The following INTS1 variants were observed in gnomAD, a reference collection of about 807,000 sequenced individuals.
INTS1 encodes integrator complex subunit 1.
A neutral mutation model predicts 241.6 loss-of-function variants in INTS1; 137 were observed. That is an observed-to-expected ratio of 0.57 (90% CI 0.49 to 0.65). The LOEUF (loss-of-function observed/expected upper bound fraction) is 0.65, where lower values mean the gene tolerates loss of function less well. Among genes scored for constraint, INTS1 ranks in the 30% least tolerant of loss-of-function variants. The pLI, the probability that INTS1 is intolerant of heterozygous loss-of-function variation, is 0.00. For missense variants in INTS1, 3,073 were observed against 3,032.2 expected, an observed-to-expected ratio of 1.01 and a Z score of -0.32; for synonymous variants, 1,692 against 1,337.8, an observed-to-expected ratio of 1.26 and a Z score of -5.78.
chr7:1,502,087 C>T (rs1783209660), intron 3 of INTS1, among the ~76,000 whole-genome samples: 1 of 152,196 alleles, frequency 6.6e-6, no homozygotes. Context: ...CCCACAAGTC[C>T]CCTGGGTCCT....
intron 31 of INTS1, 97 bp from the exon 32 acceptor site, chr7:1,478,982 T>G: frequency 7.3e-7 from 1 of 1,364,362 alleles, no homozygotes; most frequent in African/African-American, 1.4e-5. Flanking sequence ...TGCTGAGACC[T>G]GCCGCGACCG....
At chr7:1,473,449 T>C in intron 42 of INTS1, 117 bp downstream of exon 42, 1 of 1,309,746 alleles carries the variant, frequency 7.6e-7, no homozygotes, top group Non-Finnish European at 1.0e-6. Context: ...TCAGCAGCCC[T>C]CCCCGGCCTC....
chr7:1,470,930 A>T lies in INTS1; in HGVS notation c.6373T>A (p.Phe2125Ile), dbSNP rs1274858891. The T allele has an allele frequency of 1.3e-6, 2 of 1,577,690 alleles. No homozygotes were observed. Among genetic ancestry groups the T allele is most frequent in the Non-Finnish European group, 1.7e-6 (2 of 1,162,718 alleles). ...TCCTGGCTGCCCAGGCAGTACATGAACGTGGGCAGGAAAGCGGCTGCAATG... is the reference window on the plus strand; with the variant it reads ...TCCTGGCTGCCCAGGCAGTACATGATCGTGGGCAGGAAAGCGGCTGCAATG... ...PSIAAAFLPT[F>I]MYCLGSQDFE... Residue 2125 changes from phenylalanine to isoleucine, a missense_variant, in exon 47 of 48, where the codon TTC (phenylalanine) becomes ATC (isoleucine). Transcript: ENST00000404767.
intron 24 of INTS1, among the ~76,000 whole-genome samples, chr7:1,484,377 G>A (rs1366897544): frequency 2.0e-5 from 3 of 152,222 alleles, no homozygotes; most frequent in Admixed American, 2.0e-4. Context: ...GACTCTCACA[G>A]CCAGGGACAA....
Position 1,482,575 on chromosome 7 carries a change from C to T in INTS1, c.3674G>A (p.Arg1225His). The change falls in exon 27 of 48, where the codon CGT (arginine) becomes CAT (histidine). Residue 1225 changes from arginine (R) to histidine (H), a missense_variant. Arg to His is a conservative substitution (Grantham distance 29). Transcript: ENST00000404767. ...LPDWLKLRMI[R>H]SEVLRLVDAA... Reference sequence around the variant, plus strand: ...GTCCACCAGGCGGAGCACCTCAGAACGGATCATGCGCAGCTTCAGCCAGTC... The same window carrying T: ...GTCCACCAGGCGGAGCACCTCAGAATGGATCATGCGCAGCTTCAGCCAGTC... The T allele has an allele frequency of 2.5e-6, 4 of 1,612,704 alleles. No homozygotes were observed. Among genetic ancestry groups the T allele is most frequent in the Non-Finnish European group, 3.4e-6 (4 of 1,179,800 alleles).
Position 1,502,949 on chromosome 7 carries a change from G to C in INTS1, c.301C>G (p.Arg101Gly), listed in dbSNP as rs578200754. 2.5e-6 allele frequency: 4 copies of C among 1,613,636 alleles called. No individual in the cohort carries two copies. The Admixed American group carries it at 5.0e-5, about 20-fold the overall frequency. The change falls in exon 3 of 48, where the codon CGA becomes GGA. Residue 101 changes from arginine (R) to glycine (G), a missense_variant. Coordinates refer to ENST00000404767, the MANE Select transcript of INTS1 (RefSeq NM_001080453.3). ...RLAEAAVAEK[R>G]AISPSIKEPS... ...TCTTTAATCGACGGAGAAATGGCTCGTTTTTCTGCCACTGCAGCCTCAGCC... is the reference window on the plus strand; with the variant it reads ...TCTTTAATCGACGGAGAAATGGCTCCTTTTTCTGCCACTGCAGCCTCAGCC...
chr7:1,502,414 T>G (rs916201779), intron 3 of INTS1, among the ~76,000 whole-genome samples: 14 of 152,126 alleles, frequency 9.2e-5, no homozygotes, highest in Admixed American at 7.2e-4. Flanking sequence ...CATTCCCCCG[T>G]TGATGTCCTT....
At chr7:1,499,695 C>A in intron 5 of INTS1, 63 bp from the exon 6 acceptor site, 1 of 1,528,442 alleles carries the variant, frequency 6.5e-7, no homozygotes, top group South Asian at 1.2e-5. Flanking sequence ...TGGGGAACAC[C>A]CGCCTGCTGC....
Position 1,479,502 on chromosome 7 carries a change from A to G in INTS1, c.4257T>C (p.Gly1419=). 6.4e-7 allele frequency: 1 copy of G among 1,572,420 alleles called. No homozygotes were observed. The highest frequency in any genetic ancestry group is 1.2e-5 in the South Asian group (1 of 85,480). Reference sequence around the variant, plus strand: ...TACGGTGCATGGACATCACCAGGGCACCGCCGTGTGGGGAGCTGAGCAGGG... The same window carrying G: ...TACGGTGCATGGACATCACCAGGGCGCCGCCGTGTGGGGAGCTGAGCAGGG... ...LATLLSSPHG[G]ALVMSMHRSH... is the part of the protein sequence containing the mutation. Residue 1419 remains glycine, a synonymous_variant, in exon 31 of 48, where the codon GGT becomes GGC. Transcript: ENST00000404767.
rs1030462408 is a variant in INTS1, at chr7:1,489,725, C to T, written c.2166-43G>A. ...CCCGACTCAGGCCCAGCGCACCAAG[C>T]TCAGCGCCAAGGATCGGCCGGGCCA... On this transcript the variant is annotated intron_variant, in intron 16 of 47. Coordinates refer to ENST00000404767, the MANE Select transcript of INTS1 (RefSeq NM_001080453.3). 6.5e-6 allele frequency: 9 copies of T among 1,377,126 alleles called. No individual in the cohort carries two copies. The African/African-American group carries it at 1.2e-4, about 18-fold the overall frequency. The allele number at this position is 1,377,126 out of a possible 1,614,324, so 85.3% of individuals were successfully genotyped here.
At chr7:1,504,055 C>T (rs1452155317) in intron 1 of INTS1, 54 bp from the exon 2 acceptor site, 5 of 945,282 alleles carry the variant, frequency 5.3e-6, no homozygotes, top group Non-Finnish European at 7.9e-6. Flanking sequence ...CGTTCGCTCG[C>T]TCATTCGCTC....
At chr7:1,494,685 G>A (rs1234478470) in intron 14 of INTS1, 131 bp downstream of exon 14, 1 of 839,294 alleles carries the variant, frequency 1.2e-6, no homozygotes, top group Non-Finnish European at 1.9e-6. Flanking sequence ...TTGTGGAGGA[G>A]GAGCAGGATG....
Position 1,481,055 on chromosome 7 carries a change from A to T in INTS1, c.3851-122T>A. 7.9e-6 allele frequency: 6 copies of T among 763,722 alleles called. No homozygotes were observed. Among genetic ancestry groups the T allele is most frequent in the Non-Finnish European group, 1.3e-5 (6 of 452,058 alleles). 47.3% of individuals were successfully genotyped at this position (763,722 alleles called of 1,614,324 possible). On this transcript the variant is annotated intron_variant, in intron 28 of 47. Coordinates refer to ENST00000404767, the MANE Select transcript of INTS1 (RefSeq NM_001080453.3). This position sits in a 1 kb window ranked among gnomAD's most constrained non-coding sequence, Gnocchi z 6.8. ...GTCACCAGCACTTCCCAAGGACTTC[A>T]GAAGCTGGGTGAGCTCAGTCAGCAC... is the stretch of plus-strand genomic sequence containing the variant.
chr7:1,490,244 C>G (rs1192382103), intron 16 of INTS1, among the ~76,000 whole-genome samples: 1 of 152,208 alleles, frequency 6.6e-6, no homozygotes, highest in Non-Finnish European at 1.5e-5. Flanking sequence ...AAGTGCAGTG[C>G]GGGATTCCGA....
chr7:1,492,657 A>G (rs1237462279), intron 16 of INTS1, among the ~76,000 whole-genome samples: 1 of 152,250 alleles, frequency 6.6e-6, no homozygotes, highest in Admixed American at 6.5e-5. Context: ...CACGTTAAAC[A>G]CAGGAGAAAA....
chr7:1,480,813 T>G (rs751432211), intron 29 of INTS1, 22 bp downstream of exon 29: 2 of 1,535,712 alleles, frequency 1.3e-6, no homozygotes, highest in East Asian at 2.4e-5. Context: ...GTCTCTGTGC[T>G]GGCCCCACCC....
At chr7:1,482,316 T>C in intron 27 of INTS1, 1 of 423,356 alleles carries the variant, frequency 2.4e-6, no homozygotes, top group South Asian at 7.1e-5. Context: ...CCCCTGAGCC[T>C]GACAGTAAGA....
At position 1,474,829 on chromosome 7, in the gene INTS1, G is replaced by A. The variant is rs1446857784; in HGVS notation, c.5512C>T (p.Leu1838Phe). The A allele has an allele frequency of 8.2e-6, 13 of 1,588,592 alleles. No individual in the cohort carries two copies. The highest frequency in any genetic ancestry group is 1.1e-5 in the Non-Finnish European group (13 of 1,170,002). The change falls in exon 40 of 48, where the codon CTC becomes TTC. Residue 1838 changes from leucine (L) to phenylalanine (F), a missense_variant. Coordinates refer to ENST00000404767, the MANE Select transcript of INTS1 (RefSeq NM_001080453.3). ...AGGAGCGTGATGAAGCGGTGGATGA[G>A]TCCGTCCAGCTGCAGGGAGGGGCGC... ...ASSSVCKLDG[L>F]IHRFITLLAD...
chr7:1,474,796 T>C lies in INTS1; in HGVS notation c.5545A>G (p.Thr1849Ala), dbSNP rs1584258757. The C allele has an allele frequency of 1.9e-6, 3 of 1,588,400 alleles. No individual in the cohort carries two copies. The highest frequency in any genetic ancestry group is 1.3e-5 in the African/African-American group (1 of 74,494). The change falls in exon 40 of 48, where the codon ACC (threonine) becomes GCC (alanine). Residue 1849 changes from threonine (T) to alanine (A), a missense_variant. Transcript: ENST00000404767. The part of the protein sequence containing the change: ...IHRFITLLAD[T>A]SDSRALENRG... ...TTCTCCAACGCCCGGGAGTCGCTGG[T>C]GTCCGCAAGGAGCGTGATGAAGCGG... is the stretch of plus-strand genomic sequence containing the variant.
Sources: allele counts gnomAD v4.1 joint callset (sites outside exome capture counted in the v4.1 genomes callset), GRCh38; gene constraint gnomAD v4.1.1; non-coding constraint Gnocchi (gnomAD v3.1); transcripts MANE v1.5; gene names NCBI Gene and HGNC (gene_info 2026-07-23, HGNC 2026-07-21).